Variants in FER observed in about 807,000 individuals in gnomAD.
FER encodes FER tyrosine kinase.
FER carries 63 observed loss-of-function variants against 111.0 expected under a neutral mutation model. The observed-to-expected ratio is 0.57, with a 90% CI of 0.46 to 0.70. FER has a LOEUF of 0.70. Ranked by LOEUF, FER falls within the 30% of genes least tolerant of loss-of-function variation. FER has a pLI of 0.00. For synonymous variants in FER, 327 were observed against 313.9 expected, an observed-to-expected ratio of 1.04 and a Z score of -0.44; for missense variants, 914 against 954.0, an observed-to-expected ratio of 0.96 and a Z score of 0.55.
In FER at chr5:108,811,115, C is replaced by T. The variant is rs377068547; in HGVS notation, c.207+12726C>T. On this transcript the variant is annotated intron_variant, in intron 3 of 19. Coordinates refer to ENST00000281092, the MANE Select transcript of FER (RefSeq NM_005246.4). The stretch of plus-strand genomic sequence containing the variant: ...CTATGTCCAGGAAGGGTAGGGCATC[C>T]CAGGCTGCTGAACCAGGCAAGTGGG... Among the ~76,000 whole-genome samples, 4 of 151,412 alleles carry T rather than the reference C, an allele frequency of 2.6e-5. No homozygotes were observed. The East Asian group carries it at 7.8e-4, about 30-fold the overall frequency.
chr5:108,897,545 A>C, intron 9 of FER, 114 bp from the exon 10 acceptor site: 1 of 738,120 alleles, frequency 1.4e-6, no homozygotes, highest in Non-Finnish European at 2.0e-6. Flanking sequence ...ATTTTTTATG[A>C]TTCTAAAGGG....
intron 9 of FER, among the ~76,000 whole-genome samples, chr5:108,884,656 A>G (rs1475810813): frequency 1.3e-5 from 2 of 151,874 alleles, no homozygotes; most frequent in African/African-American, 4.8e-5. Flanking sequence ...CTTGACTCCG[A>G]AAAACAATCT....
At chr5:108,980,867 A>T (rs1761946221) in intron 13 of FER, among the ~76,000 whole-genome samples, 1 of 152,300 alleles carries the variant, frequency 6.6e-6, no homozygotes, top group South Asian at 2.1e-4. Context: ...TATAACATTC[A>T]ACTTATAATT....
chr5:109,186,205 T>C lies in FER; in HGVS notation c.2209T>C (p.Tyr737His), dbSNP rs1291843152. The change falls in exon 19 of 20, where the codon TAC becomes CAC. Residue 737 changes from tyrosine (Y) to histidine (H), a missense_variant. Transcript: ENST00000281092. ...GGTTGTTGTTCCTCTTCCAGGGAGATACAGTTCAGAGAGTGACGTGTGGAG... is the reference window on the plus strand; with the variant it reads ...GGTTGTTGTTCCTCTTCCAGGGAGACACAGTTCAGAGAGTGACGTGTGGAG... ...TAPEALNYGR[Y>H]SSESDVWSFG... The C allele has an allele frequency of 1.9e-6, 3 of 1,614,136 alleles. No homozygotes were observed. Among genetic ancestry groups the C allele is most frequent in the Non-Finnish European group, 2.5e-6 (3 of 1,179,974 alleles).
intron 13 of FER, among the ~76,000 whole-genome samples, chr5:108,974,566 G>T (rs1321699212): frequency 6.6e-6 from 1 of 152,210 alleles, no homozygotes; most frequent in Non-Finnish European, 1.5e-5. Context: ...CACCCTAATT[G>T]CTGGCATCTG....
chr5:108,848,736 T>C (rs1383973535), intron 5 of FER, among the ~76,000 whole-genome samples: 1 of 152,126 alleles, frequency 6.6e-6, no homozygotes, highest in Non-Finnish European at 1.5e-5. Context: ...ATTTCATATA[T>C]TTATCCAAGT....
At chr5:108,777,616 A>C (rs751523293) in intron 2 of FER, among the ~76,000 whole-genome samples, 2 of 152,178 alleles carry the variant, frequency 1.3e-5, no homozygotes, top group South Asian at 2.1e-4. Flanking sequence ...CCTGGCAACC[A>C]CTGATCTTTT....
intron 10 of FER, among the ~76,000 whole-genome samples, chr5:108,922,368 A>G (rs1753138351): frequency 6.6e-6 from 1 of 152,190 alleles, no homozygotes. Context: ...TGAGGTATCT[A>G]GATGACATTA....
chr5:109,007,378 T>G (rs1765632190), intron 13 of FER, among the ~76,000 whole-genome samples: 1 of 152,282 alleles, frequency 6.6e-6, no homozygotes, highest in South Asian at 2.1e-4. Flanking sequence ...TTCTGATAAG[T>G]TTAGACAAAT....
At chr5:108,831,521 A>C (rs1386650996) in intron 3 of FER, among the ~76,000 whole-genome samples, 1 of 152,170 alleles carries the variant, frequency 6.6e-6, no homozygotes, top group African/African-American at 2.4e-5. Flanking sequence ...TTCATATTTA[A>C]AAGTAAATAT....
Position 108,827,181 on chromosome 5 carries a change from C to T in FER, c.208-5589C>T, listed in dbSNP as rs1580747955. Among the ~76,000 whole-genome samples the T allele has an allele frequency of 5.3e-5, 8 of 152,154 alleles. No homozygotes were observed. The South Asian group carries it at 1.5e-3, about 28-fold the overall frequency. ...AAAGTGGAACTTACATGATGTAGTT[C>T]AATAGACAGGTTTTAATTTTGGGAA... is the stretch of plus-strand genomic sequence containing the variant. On this transcript the variant is annotated intron_variant, in intron 3 of 19. Transcript: ENST00000281092.
At chr5:109,019,858 C>T (rs925321368) in intron 13 of FER, among the ~76,000 whole-genome samples, 3 of 151,742 alleles carry the variant, frequency 2.0e-5, no homozygotes, top group Non-Finnish European at 2.9e-5. Flanking sequence ...AAATGTTTTA[C>T]GACTGATTTT....
chr5:109,052,404 T>G (rs1772961289), intron 16 of FER: 3 of 1,533,594 alleles, frequency 2.0e-6, no homozygotes, highest in African/African-American at 1.4e-5. Flanking sequence ...CTCCAGCAGT[T>G]AAGTAGGCTT....
At chr5:108,998,389 G>A (rs1764286109) in intron 13 of FER, among the ~76,000 whole-genome samples, 1 of 152,034 alleles carries the variant, frequency 6.6e-6, no homozygotes, top group South Asian at 2.1e-4. Context: ...ACTTCCCTTG[G>A]CCAGGGGAGG....
At position 109,077,137 on chromosome 5, in the gene FER, G is replaced by A. The variant is rs79598602; in HGVS notation, c.1925-23259G>A. 1.0e-2 allele frequency among the ~76,000 whole-genome samples: 1,520 copies of A among 152,266 alleles called. 19 individuals carry two copies. The highest frequency in any genetic ancestry group is 0.034 in the African/African-American group (1,428 of 41,560). On this transcript the variant is annotated intron_variant, in intron 16 of 19. Coordinates refer to ENST00000281092, the MANE Select transcript of FER (RefSeq NM_005246.4). ...TTATTAAAAGCAATAATGAAACTGC[G>A]TAGTGTCGAATTTTAACAATATTGC...
At chr5:109,141,861 G>C (rs921326348) in intron 17 of FER, among the ~76,000 whole-genome samples, 3 of 152,090 alleles carry the variant, frequency 2.0e-5, no homozygotes, top group Non-Finnish European at 4.4e-5. Context: ...AATTCTATTT[G>C]CTATGCCAAT....
intron 1 of FER, among the ~76,000 whole-genome samples, chr5:108,763,609 G>A (rs1450222453): frequency 6.6e-6 from 1 of 152,200 alleles, no homozygotes; most frequent in Non-Finnish European, 1.5e-5. Flanking sequence ...TTTCCAGGGA[G>A]GGGAAGGAGA....
At position 109,032,695 on chromosome 5, in the gene FER, T is replaced by C. The variant is rs1256194035; in HGVS notation, c.1657-4727T>C. ...AAATAAGTATTATTTGCTTAGGCAATTAGAAGGTACACTGTGATTTCATGG... is the reference window on the plus strand; with the variant it reads ...AAATAAGTATTATTTGCTTAGGCAACTAGAAGGTACACTGTGATTTCATGG... On this transcript the variant is annotated intron_variant, in intron 13 of 19. Coordinates refer to ENST00000281092, the MANE Select transcript of FER (RefSeq NM_005246.4). Among the ~76,000 whole-genome samples the C allele has an allele frequency of 2.0e-5, 3 of 152,178 alleles. No homozygotes were observed. The East Asian group carries it at 5.8e-4, about 29-fold the overall frequency.
At chr5:109,175,057 T>C (rs1278498143) in intron 17 of FER, among the ~76,000 whole-genome samples, 1 of 152,184 alleles carries the variant, frequency 6.6e-6, no homozygotes, top group Non-Finnish European at 1.5e-5. Flanking sequence ...ACCCAGCATA[T>C]AGTAAATACT....
Sources: gnomAD v4.1 joint callset for allele counts (sites outside exome capture counted in the v4.1 genomes callset) on GRCh38, gnomAD v4.1.1 for gene constraint, MANE v1.5 for transcripts, NCBI Gene and HGNC (gene_info 2026-07-23, HGNC 2026-07-21) for gene names.